Variants in SPTLC2 observed in about 807,000 individuals in gnomAD.
The protein encoded by SPTLC2 is serine palmitoyltransferase 2.
A neutral mutation model predicts 62.0 loss-of-function variants in SPTLC2; 21 were observed. The ratio of observed to expected loss-of-function variants is 0.34; its 90% CI spans 0.24 to 0.49. The LOEUF is 0.49. Ranked by LOEUF, SPTLC2 falls within the 20% of genes least tolerant of loss-of-function variation. The pLI is 0.99. For synonymous variants in SPTLC2, 261 were observed against 261.8 expected, an observed-to-expected ratio of 1.00 and a Z score of 0.03; for missense variants, 511 against 713.0, an observed-to-expected ratio of 0.72 and a Z score of 3.23.
intron 9 of SPTLC2, among the ~76,000 whole-genome samples, chr14:77,530,848 G>A (rs527526318): frequency 2.6e-5 from 4 of 152,252 alleles, no homozygotes; most frequent in African/African-American, 9.6e-5. Context: ...TGACTAAAAG[G>A]GAATGTTAAG....
chr14:77,541,513 C>T (rs1024230839), intron 9 of SPTLC2, among the ~76,000 whole-genome samples: 4 of 152,164 alleles, frequency 2.6e-5, no homozygotes, highest in African/African-American at 7.2e-5. Flanking sequence ...TCTGGATATA[C>T]ACCCATTTAG....
chr14:77,564,400 TACACACACACACACACACACACAC>T (rs6145397), intron 5 of SPTLC2, among the ~76,000 whole-genome samples: 13,062 of 139,352 alleles, frequency 0.094, 1,118 homozygotes, highest in African/African-American at 0.24. Context: ...TATGCATGCA[TACACACACACACACACACACACAC>T]ACACACACAC....
At chr14:77,594,830 A>G (rs571460578) in intron 2 of SPTLC2, among the ~76,000 whole-genome samples, 1 of 149,414 alleles carries the variant, frequency 6.7e-6, no homozygotes, top group East Asian at 2.1e-4. Context: ...CTACACTAGG[A>G]GAGGTCCCTG....
At chr14:77,593,150 A>C (rs1055522975) in intron 2 of SPTLC2, among the ~76,000 whole-genome samples, 1 of 152,148 alleles carries the variant, frequency 6.6e-6, no homozygotes, top group South Asian at 2.1e-4. Flanking sequence ...AGAATGTGGT[A>C]TTTGGTCCTC....
intron 9 of SPTLC2, among the ~76,000 whole-genome samples, chr14:77,526,896 G>A (rs1202772222): frequency 2.0e-5 from 3 of 150,922 alleles, no homozygotes; most frequent in East Asian, 1.9e-4. Flanking sequence ...CTGGGTTCAC[G>A]CCATTCTCCT....
chr14:77,587,415 T>C (rs2079788004), intron 2 of SPTLC2, among the ~76,000 whole-genome samples: 1 of 152,128 alleles, frequency 6.6e-6, no homozygotes. Context: ...AGAACATTTA[T>C]AGTAGTTTTA....
chr14:77,532,141 C>A (rs1185737646), intron 9 of SPTLC2, among the ~76,000 whole-genome samples: 1 of 152,036 alleles, frequency 6.6e-6, no homozygotes, highest in African/African-American at 2.4e-5. Flanking sequence ...GGTTTTAAGA[C>A]AAATCTGGAA....
At position 77,597,097 on chromosome 14, in the gene SPTLC2, A is replaced by C. The variant is rs12435993; in HGVS notation, c.327+89T>G. 342,519 of 1,367,380 alleles carry C rather than the reference A, an allele frequency of 0.25. 44,623 individuals carry two copies. The highest frequency in any genetic ancestry group is 0.38 in the South Asian group (29,726 of 77,450). The allele number at this position is 1,367,380 out of a possible 1,614,324, so 84.7% of individuals were successfully genotyped here. A position where few individuals can be genotyped will look rare whatever the true frequency, so the allele number is the denominator to read the frequency against. On this transcript the variant is annotated intron_variant, in intron 2 of 11. Coordinates refer to ENST00000216484, the MANE Select transcript of SPTLC2 (RefSeq NM_004863.4). ...AATAGTTTAATTTTAATGTGTACCC[A>C]AATTTCTGAGAAAAAGCTTTTGTGC...
intron 1 of SPTLC2, among the ~76,000 whole-genome samples, chr14:77,614,828 G>A (rs559971166): frequency 6.6e-5 from 10 of 150,868 alleles, no homozygotes; most frequent in African/African-American, 2.0e-4. Context: ...AAATTTAGCC[G>A]GGCGTGATGA....
intron 1 of SPTLC2, among the ~76,000 whole-genome samples, chr14:77,605,209 CT>C (rs1478535516): frequency 6.6e-6 from 1 of 151,536 alleles, no homozygotes; most frequent in African/African-American, 2.4e-5. Context: ...TGAGGTTTCC[CT>C]ATGTTGCCCA....
At chr14:77,614,280 GA>G (rs1566796316) in intron 1 of SPTLC2, among the ~76,000 whole-genome samples, 3 of 152,198 alleles carry the variant, frequency 2.0e-5, no homozygotes, top group Admixed American at 1.3e-4. Flanking sequence ...TACTAAATCT[GA>G]ACATAACTCA....
chr14:77,516,208 T>TGGGA (rs2079359199), intron 11 of SPTLC2, among the ~76,000 whole-genome samples: 1 of 152,154 alleles, frequency 6.6e-6, no homozygotes. Flanking sequence ...AAAAACTAAA[T>TGGGA]GGGAGGCAAA....
At chr14:77,538,019 T>C (rs2079479883) in intron 9 of SPTLC2, among the ~76,000 whole-genome samples, 1 of 152,242 alleles carries the variant, frequency 6.6e-6, no homozygotes, top group Non-Finnish European at 1.5e-5. Context: ...CTCCATTTTC[T>C]ATTTCCTGTG....
At chr14:77,559,928 A>C (rs1357811260) in intron 6 of SPTLC2, among the ~76,000 whole-genome samples, 1 of 152,110 alleles carries the variant, frequency 6.6e-6, no homozygotes, top group Non-Finnish European at 1.5e-5. Context: ...ATAAAGGAAA[A>C]GATAATTAAT....
chr14:77,525,961 TGCTAG>T (rs535531608), intron 9 of SPTLC2, among the ~76,000 whole-genome samples: 120 of 152,312 alleles, frequency 7.9e-4, no homozygotes, highest in Middle Eastern at 6.8e-3. Context: ...CCTTTAAAAT[TGCTAG>T]GCTGAACCAT....
At chr14:77,591,970 C>G (rs961016377) in intron 2 of SPTLC2, among the ~76,000 whole-genome samples, 1 of 151,898 alleles carries the variant, frequency 6.6e-6, no homozygotes, top group Non-Finnish European at 1.5e-5. Flanking sequence ...GTGATCCGCC[C>G]GCCTTGGCCT....
rs775379364 is a variant in SPTLC2 at position 77,512,410 on chromosome 14, T to C, written c.1570-7A>G. On this transcript the variant is annotated splice_region_variant and splice_polypyrimidine_tract_variant and intron_variant, in intron 11 of 11. Transcript: ENST00000216484. ...CATCTATCTCCTTTAAAGCCTAAAA[T>C]ACACAAGACAAAGTAGAGGTCTGTC... 5 of 1,614,194 alleles carry C rather than the reference T, an allele frequency of 3.1e-6. 1 individual carries two copies. In the South Asian group the frequency reaches 5.5e-5, roughly 18 times the overall value.
At chr14:77,603,459 C>T (rs1391817692) in intron 1 of SPTLC2, among the ~76,000 whole-genome samples, 1 of 152,194 alleles carries the variant, frequency 6.6e-6, no homozygotes, top group African/African-American at 2.4e-5. Context: ...CTGCATATCA[C>T]ACATACTAGA....
chr14:77,556,526 A>C (rs2079584885), intron 7 of SPTLC2, among the ~76,000 whole-genome samples: 1 of 152,196 alleles, frequency 6.6e-6, no homozygotes, highest in Non-Finnish European at 1.5e-5. Context: ...AAAAGCTGTA[A>C]AGGTTAACCA....
Sources: allele counts gnomAD v4.1 joint callset (sites outside exome capture counted in the v4.1 genomes callset), GRCh38; gene constraint gnomAD v4.1.1; transcripts MANE v1.5; gene names NCBI Gene and HGNC (gene_info 2026-07-23, HGNC 2026-07-21).